GALK2: variants seen among roughly 807,000 people sequenced by gnomAD.
GALK2 encodes galactokinase 2, also known as N-acetylgalactosamine kinase.
GALK2 carries 36 observed loss-of-function variants against 52.4 expected under a neutral mutation model. The ratio of observed to expected loss-of-function variants is 0.69; its 90% CI spans 0.53 to 0.91. GALK2 has a LOEUF of 0.91. GALK2 is among the 40% of genes least tolerant of loss of function. The pLI is 0.00. For synonymous variants in GALK2, 176 were observed against 199.1 expected (o/e 0.88, Z 0.98); for missense variants, 579 against 559.1 (o/e 1.04, Z -0.36).
At chr15:49,185,641 A>G (rs529818815) in intron 1 of GALK2, 157 of 152,254 alleles carry the variant, frequency 1.0e-3, no homozygotes, top group African/African-American at 3.7e-3. Flanking sequence ...AGTTTTTGAC[A>G]CATTTTGGTA....
chr15:49,237,488 G>GT (rs2090880164), intron 4 of GALK2, among the ~76,000 whole-genome samples: 1 of 151,468 alleles, frequency 6.6e-6, no homozygotes, highest in Non-Finnish European at 1.5e-5. Context: ...TTTTGTTTTT[G>GT]TTTTTTGAGA....
intron 4 of GALK2, among the ~76,000 whole-genome samples, chr15:49,238,059 G>C (rs553253436): frequency 4.6e-5 from 7 of 152,134 alleles, no homozygotes; most frequent in African/African-American, 1.7e-4. Context: ...TAAGGAAAAA[G>C]GTCTTTTATT....
intron 7 of GALK2, among the ~76,000 whole-genome samples, chr15:49,285,704 C>A (rs2033272747): frequency 6.6e-6 from 1 of 152,168 alleles, no homozygotes; most frequent in Non-Finnish European, 1.5e-5. Flanking sequence ...TCGGTCCCAT[C>A]ATCACTTATT....
intron 1 of GALK2, among the ~76,000 whole-genome samples, chr15:49,195,739 G>T (rs1329216065): frequency 6.6e-6 from 1 of 151,942 alleles, no homozygotes; most frequent in Non-Finnish European, 1.5e-5. Flanking sequence ...AGACTGACTT[G>T]GGGTTTTTAT....
intron 3 of GALK2, among the ~76,000 whole-genome samples, chr15:49,235,030 G>A (rs1595776430): frequency 6.6e-6 from 1 of 152,272 alleles, no homozygotes; most frequent in South Asian, 2.1e-4. Context: ...CTCCCAAAGT[G>A]CTGAGATTAG....
intron 8 of GALK2, among the ~76,000 whole-genome samples, chr15:49,304,751 C>T (rs2035407454): frequency 6.6e-6 from 1 of 152,242 alleles, no homozygotes; most frequent in Non-Finnish European, 1.5e-5. Flanking sequence ...AATTTACTTT[C>T]TCATATACAA....
intron 3 of GALK2, among the ~76,000 whole-genome samples, chr15:49,228,685 A>ATG (rs1566957985): frequency 1.1e-4 from 2 of 18,124 alleles, no homozygotes; most frequent in Non-Finnish European, 2.0e-4. Context: ...ATATATATAT[A>ATG]TATTTTTTTT....
intron 7 of GALK2, among the ~76,000 whole-genome samples, chr15:49,285,225 T>G (rs988031885): frequency 6.6e-6 from 1 of 152,236 alleles, no homozygotes; most frequent in South Asian, 2.1e-4. Context: ...TTATTTCTTA[T>G]CTTTCAACAG....
exon 4 of GALK2, chr15:49,367,546 A>C: frequency 6.2e-7 from 1 of 1,606,278 alleles, no homozygotes; most frequent in African/African-American, 1.3e-5. Context: ...AAATCAATGG[A>C]CTCTGACCTC....
At chr15:49,166,508 C>T (rs2084828255), upstream of GALK2, among the ~76,000 whole-genome samples, 1 of 152,136 alleles carries the variant, frequency 6.6e-6, no homozygotes, top group Non-Finnish European at 1.5e-5. Context: ...GGCCTCAGTT[C>T]AGGAGTTTGA....
At chr15:49,265,533 C>G (rs1222254541) in intron 5 of GALK2, among the ~76,000 whole-genome samples, 1 of 152,270 alleles carries the variant, frequency 6.6e-6, no homozygotes, top group East Asian at 1.9e-4. Flanking sequence ...CCGAGTGAGG[C>G]AATGCCTCGC....
Position 49,207,588 on chromosome 15 carries a change from A to AT in GALK2, c.142+6343dup, listed in dbSNP as rs568096629. Among the ~76,000 whole-genome samples the AT allele has an allele frequency of 1.9e-4, 29 of 151,744 alleles. 1 individual carries two copies. The highest frequency in any genetic ancestry group is 1.1e-3 in the Admixed American group (17 of 15,246). The stretch of plus-strand genomic sequence containing the variant: ...TCCTGATTTAAGCTAGGAGGGTTGT[A>AT]TTTTTCCAGGAATTTATCCATCTAT... On this transcript the variant is annotated intron_variant, in intron 2 of 9. Transcript: ENST00000560031.
rs570260354 is a variant in GALK2 at position 49,249,313 on chromosome 15, G to A, written c.504+9946G>A. 3.2e-4 allele frequency among the ~76,000 whole-genome samples: 49 copies of A among 152,320 alleles called. 1 individual carries two copies. The East Asian group carries it at 6.9e-3, about 22-fold the overall frequency. On this transcript the variant is annotated intron_variant, in intron 5 of 9. Transcript: ENST00000560031. Reference sequence around the variant, plus strand: ...CCCAGACTAATATTTGATAGAGTAAGGAAGACAATGAAAGACTGACTTAAC... The same window carrying A: ...CCCAGACTAATATTTGATAGAGTAAAGAAGACAATGAAAGACTGACTTAAC...
intron 3 of GALK2, among the ~76,000 whole-genome samples, chr15:49,233,124 A>G (rs1566962357): frequency 6.6e-6 from 1 of 152,224 alleles, no homozygotes; most frequent in Non-Finnish European, 1.5e-5. Flanking sequence ...TATAAGGAAA[A>G]GAGGTTTAAT....
At chr15:49,255,443 A>G (rs1595851114) in intron 5 of GALK2, among the ~76,000 whole-genome samples, 1 of 141,896 alleles carries the variant, frequency 7.0e-6, no homozygotes, top group African/African-American at 2.5e-5. Context: ...GTCTTTTATG[A>G]CACTGACAAT....
intron 1 of GALK2, chr15:49,195,126 A>C (rs996598858): frequency 1.3e-5 from 6 of 450,958 alleles, no homozygotes; most frequent in African/African-American, 1.2e-4. Flanking sequence ...GCTAGAGTGC[A>C]AGTGGCACGA....
intron 5 of GALK2, among the ~76,000 whole-genome samples, chr15:49,280,960 C>A (rs768253607): frequency 6.6e-6 from 1 of 152,190 alleles, no homozygotes; most frequent in Non-Finnish European, 1.5e-5. Context: ...CCTCAGCCTC[C>A]TGAGTAGCTG....
At chr15:49,232,025 G>C (rs1054163417) in intron 3 of GALK2, among the ~76,000 whole-genome samples, 4 of 152,210 alleles carry the variant, frequency 2.6e-5, no homozygotes, top group African/African-American at 9.6e-5. Context: ...GCCCCAGTGG[G>C]GCTCTGTGTG....
intron 8 of GALK2, among the ~76,000 whole-genome samples, chr15:49,297,117 T>C (rs1340616841): frequency 6.6e-6 from 1 of 152,230 alleles, no homozygotes; most frequent in Non-Finnish European, 1.5e-5. Flanking sequence ...TTTTTAGTAA[T>C]AGCCATTCTG....
Sources: allele counts gnomAD v4.1 joint callset (sites outside exome capture counted in the v4.1 genomes callset), GRCh38; gene constraint gnomAD v4.1.1; transcripts MANE v1.5; gene names NCBI Gene and HGNC (gene_info 2026-07-23, HGNC 2026-07-21).